The following CDH18 variants were observed in gnomAD, a reference collection of about 807,000 sequenced individuals.
CDH18 encodes cadherin 18, also known as cadherin-18.
Under a neutral mutation model 67.9 loss-of-function variants are expected in CDH18, and 31 were observed. That is an observed-to-expected ratio of 0.46 (90% CI 0.34 to 0.62). The LOEUF (loss-of-function observed/expected upper bound fraction) is 0.62. CDH18 is among the 20% of genes least tolerant of loss of function. CDH18 has a pLI of 0.01. For synonymous variants in CDH18, 362 were observed against 347.2 expected, an observed-to-expected ratio of 1.04 and a Z score of -0.48; for missense variants, 890 against 975.5, an observed-to-expected ratio of 0.91 and a Z score of 1.17.
At chr5:19,603,446 T>A (rs192716690) in intron 6 of CDH18, among the ~76,000 whole-genome samples, 4 of 152,256 alleles carry the variant, frequency 2.6e-5, no homozygotes, top group African/African-American at 9.6e-5. Flanking sequence ...GTACCATTGG[T>A]TGCACAACAA....
chr5:19,808,321 A>C (rs5024078), intron 3 of CDH18, among the ~76,000 whole-genome samples: 5,429 of 151,212 alleles, frequency 0.036, 131 homozygotes, highest in Non-Finnish European at 0.051. Context: ...ACAACAACAA[A>C]AAAAAAACAA....
chr5:19,665,120 A>T (rs1234756477), intron 5 of CDH18, among the ~76,000 whole-genome samples: 3 of 152,022 alleles, frequency 2.0e-5, no homozygotes, highest in South Asian at 2.1e-4. Flanking sequence ...TTTAGAAAAA[A>T]ATTATATTAC....
intron 1 of CDH18, among the ~76,000 whole-genome samples, chr5:19,983,342 G>C (rs1022612702): frequency 6.6e-6 from 1 of 152,064 alleles, no homozygotes; most frequent in African/African-American, 2.4e-5. Context: ...ATACCTATTT[G>C]AGAATCCTTA....
intron 1 of CDH18, among the ~76,000 whole-genome samples, chr5:20,526,974 A>G (rs1166812215): frequency 6.6e-6 from 1 of 152,188 alleles, no homozygotes; most frequent in African/African-American, 2.4e-5. Context: ...AAGCTAAAGG[A>G]TTATGTTCTA....
intron 2 of CDH18, among the ~76,000 whole-genome samples, chr5:20,163,302 A>C (rs1736039651): frequency 6.6e-6 from 1 of 152,044 alleles, no homozygotes; most frequent in South Asian, 2.1e-4. Context: ...GTATTATCCA[A>C]TATTATGCTT....
Position 19,472,498 on chromosome 5 carries a change from G to T in CDH18, c.*728C>A, listed in dbSNP as rs2126480545. On this transcript the variant is annotated 3_prime_UTR_variant, in exon 13 of 13. Transcript: ENST00000382275. ...TATTCTTTCTGTCCATTTAAAAATA[G>T]GAGTATCCCATTAAAATAAAAGGGG... Among the ~76,000 whole-genome samples the T allele has an allele frequency of 6.6e-6, 1 of 152,128 alleles. No homozygotes were observed. Among genetic ancestry groups the T allele is most frequent in the South Asian group, 2.1e-4 (1 of 4,820 alleles).
intron 3 of CDH18, among the ~76,000 whole-genome samples, chr5:19,760,220 A>G (rs1380714963): frequency 2.0e-5 from 3 of 152,110 alleles, no homozygotes; most frequent in East Asian, 3.9e-4. Flanking sequence ...TGCAGTTCCC[A>G]CCATTAGATC....
chr5:19,735,436 G>A lies in CDH18; in HGVS notation c.523+11506C>T, dbSNP rs570409125. On this transcript the variant is annotated intron_variant, in intron 4 of 12. Coordinates refer to ENST00000382275, the MANE Select transcript of CDH18 (RefSeq NM_004934.5). ...TTTTGAGACGGAGTCTCGCTCTGTC[G>A]CCCAGGCTGGAATGCAGTGGCGTGA... Among the ~76,000 whole-genome samples, 70 of 141,746 alleles carry A rather than the reference G, an allele frequency of 4.9e-4. 1 individual carries two copies. The Middle Eastern group carries it at 0.012, about 24-fold the overall frequency. The allele number at this position is 141,746 out of a possible 152,430, so 93.0% of individuals were successfully genotyped here.
chr5:20,316,511 C>T (rs1737479736), intron 1 of CDH18, among the ~76,000 whole-genome samples: 1 of 152,002 alleles, frequency 6.6e-6, no homozygotes, highest in South Asian at 2.1e-4. Flanking sequence ...TTAGTGAAAA[C>T]ACAGTTGTAA....
intron 5 of CDH18, among the ~76,000 whole-genome samples, chr5:19,719,577 T>A (rs1477508440): frequency 6.6e-6 from 1 of 151,992 alleles, no homozygotes; most frequent in Admixed American, 6.6e-5. Flanking sequence ...TACATTTTTG[T>A]GCCACCACTT....
At chr5:19,546,353 A>G (rs550705442) in intron 8 of CDH18, among the ~76,000 whole-genome samples, 1 of 152,320 alleles carries the variant, frequency 6.6e-6, no homozygotes, top group Non-Finnish European at 1.5e-5. Context: ...TCAACAAATT[A>G]TTTTCTTTTA....
chr5:20,103,367 C>A (rs1746636279), intron 2 of CDH18, among the ~76,000 whole-genome samples: 1 of 151,966 alleles, frequency 6.6e-6, no homozygotes, highest in Admixed American at 6.6e-5. Flanking sequence ...TTTGAGATTG[C>A]ATTTAAAAGA....
At chr5:20,313,127 A>G (rs1273742277) in intron 1 of CDH18, among the ~76,000 whole-genome samples, 2 of 150,550 alleles carry the variant, frequency 1.3e-5, no homozygotes, top group African/African-American at 2.5e-5. Context: ...CTTAACTTCA[A>G]TGAAATGAAA....
At chr5:20,534,808 G>A (rs187142513) in intron 1 of CDH18, among the ~76,000 whole-genome samples, 9 of 147,770 alleles carry the variant, frequency 6.1e-5, no homozygotes, top group Admixed American at 4.1e-4. Context: ...TCTGAACTCT[G>A]TTAGTTTATT....
intron 2 of CDH18, among the ~76,000 whole-genome samples, chr5:20,234,239 C>A (rs541509758): frequency 6.6e-6 from 1 of 152,206 alleles, no homozygotes; most frequent in East Asian, 1.9e-4. Flanking sequence ...GATACCTGGG[C>A]TAAACCCTTA....
chr5:19,886,285 C>T (rs1020188145), intron 2 of CDH18: 3 of 151,996 alleles, frequency 2.0e-5, no homozygotes, highest in African/African-American at 7.3e-5. Flanking sequence ...GAAAATGCAC[C>T]CAGTACCTGA....
At chr5:19,920,893 GCA>G (rs70954622) in intron 2 of CDH18, among the ~76,000 whole-genome samples, 23 of 146,198 alleles carry the variant, frequency 1.6e-4, no homozygotes, top group African/African-American at 3.8e-4. Flanking sequence ...ACCCACAAGA[GCA>G]CACACACACA....
At chr5:20,424,156 A>G (rs1479885337) in intron 1 of CDH18, among the ~76,000 whole-genome samples, 1 of 150,724 alleles carries the variant, frequency 6.6e-6, no homozygotes, top group Non-Finnish European at 1.5e-5. Flanking sequence ...GAAAAAAGTA[A>G]TAATTCTTAA....
chr5:19,853,865 A>G (rs1783981825), intron 2 of CDH18, among the ~76,000 whole-genome samples: 1 of 152,174 alleles, frequency 6.6e-6, no homozygotes, highest in Admixed American at 6.6e-5. Context: ...GATCTGGACA[A>G]CTATAAATAT....
Sources: allele counts gnomAD v4.1 joint callset (sites outside exome capture counted in the v4.1 genomes callset), GRCh38; gene constraint gnomAD v4.1.1; transcripts MANE v1.5; gene names NCBI Gene and HGNC (gene_info 2026-07-23, HGNC 2026-07-21).